Variants in ZBTB38 observed in about 807,000 individuals in gnomAD.
ZBTB38 encodes the protein zinc finger and BTB domain containing 38.
A neutral mutation model predicts 76.8 loss-of-function variants in ZBTB38; 20 were observed. That is an observed-to-expected ratio of 0.26 (90% confidence interval 0.18 to 0.38). The LOEUF is 0.38. ZBTB38 is among the 10% of genes least tolerant of loss of function. The probability of loss-of-function intolerance (pLI) is 1.00; values close to 1 mark genes in which losing one functional copy is unlikely to be tolerated. For synonymous variants in ZBTB38, 504 were observed against 544.2 expected (o/e 0.93, Z 1.03); for missense variants, 1,082 against 1,482.3 (o/e 0.73, Z 4.43).
At chr3:141,372,587 G>C (rs1297464000) in intron 2 of ZBTB38, among the ~76,000 whole-genome samples, 1 of 150,864 alleles carries the variant, frequency 6.6e-6, no homozygotes, top group East Asian at 2.0e-4. Flanking sequence ...GGGAGGCAGA[G>C]GTTGCAGTGA....
intron 1 of ZBTB38, among the ~76,000 whole-genome samples, chr3:141,327,280 A>T (rs1188170431): frequency 6.6e-6 from 1 of 152,192 alleles, no homozygotes; most frequent in African/African-American, 2.4e-5. Context: ...CAAAGAGTAC[A>T]GCATGGAAAG....
intron 5 of ZBTB38, chr3:141,432,046 G>A (rs1029489724): frequency 1.1e-5 from 11 of 973,610 alleles, no homozygotes; most frequent in East Asian, 1.1e-4. Flanking sequence ...GAGGTCTGAC[G>A]TAGTCACCCA....
chr3:141,425,676 A>T (rs569489921), intron 5 of ZBTB38, among the ~76,000 whole-genome samples: 74 of 152,382 alleles, frequency 4.9e-4, no homozygotes, highest in South Asian at 1.0e-3. Context: ...TGCCAGATGT[A>T]AACTGGTCAG....
intron 5 of ZBTB38, among the ~76,000 whole-genome samples, chr3:141,404,401 C>T (rs1953591868): frequency 6.6e-6 from 1 of 152,180 alleles, no homozygotes; most frequent in South Asian, 2.1e-4. Context: ...GGGGTCAAGG[C>T]AGGACTGGAC....
chr3:141,410,132 C>T (rs1374918333), intron 5 of ZBTB38, among the ~76,000 whole-genome samples: 1 of 152,160 alleles, frequency 6.6e-6, no homozygotes, highest in African/African-American at 2.4e-5. Context: ...CTGGGACAAG[C>T]AGGGGCAGGG....
At chr3:141,329,048 A>G (rs1343096806) in intron 1 of ZBTB38, among the ~76,000 whole-genome samples, 1 of 152,094 alleles carries the variant, frequency 6.6e-6, no homozygotes, top group Non-Finnish European at 1.5e-5. Flanking sequence ...CTTTCATCCA[A>G]TAATTGGCTA....
At chr3:141,370,675 T>C (rs941010229) in intron 2 of ZBTB38, among the ~76,000 whole-genome samples, 3 of 152,274 alleles carry the variant, frequency 2.0e-5, no homozygotes, top group African/African-American at 7.2e-5. Flanking sequence ...CCTCTGTCCA[T>C]TATGACCCTA....
intron 5 of ZBTB38, among the ~76,000 whole-genome samples, chr3:141,436,465 T>TAAA (rs2078809259): frequency 6.6e-6 from 1 of 152,158 alleles, no homozygotes; most frequent in Admixed American, 6.5e-5. Flanking sequence ...AACCCCAGTG[T>TAAA]TGCCTGGTCT....
intron 5 of ZBTB38, among the ~76,000 whole-genome samples, chr3:141,410,435 A>C (rs918399692): frequency 1.3e-5 from 2 of 152,202 alleles, no homozygotes; most frequent in Non-Finnish European, 2.9e-5. Context: ...AAGTCTTAGG[A>C]CTTGCTCAAG....
At chr3:141,425,166 C>A (rs1443979939) in intron 5 of ZBTB38, among the ~76,000 whole-genome samples, 1 of 152,174 alleles carries the variant, frequency 6.6e-6, no homozygotes, top group Non-Finnish European at 1.5e-5. Context: ...TGTGCCTTAT[C>A]CTAAAGTATC....
At chr3:141,354,362 C>T (rs1943602793) in intron 1 of ZBTB38, among the ~76,000 whole-genome samples, 1 of 152,132 alleles carries the variant, frequency 6.6e-6, no homozygotes, top group Non-Finnish European at 1.5e-5. Flanking sequence ...CCAGGCCACA[C>T]TCCATGCATT....
intron 2 of ZBTB38, among the ~76,000 whole-genome samples, chr3:141,371,277 T>C (rs1267618747): frequency 3.3e-5 from 5 of 152,006 alleles, no homozygotes; most frequent in African/African-American, 1.2e-4. Flanking sequence ...GGTCTCCATC[T>C]CTTGACCTCG....
At position 141,436,250 on chromosome 3, in the gene ZBTB38, C is replaced by T. The variant is rs149598971; in HGVS notation, c.1-6139C>T. Reference sequence around the variant, plus strand: ...GTCTAAATTTTCATCCTGGGGATATCCTTCAAGTAAGTATGTCTAAGATCT... The same window carrying T: ...GTCTAAATTTTCATCCTGGGGATATTCTTCAAGTAAGTATGTCTAAGATCT... On this transcript the variant is annotated intron_variant, in intron 5 of 5. Coordinates refer to ENST00000321464, the MANE Select transcript of ZBTB38 (RefSeq NM_001376113.1). Among the ~76,000 whole-genome samples the T allele has an allele frequency of 6.9e-4, 105 of 152,244 alleles. No individual in the cohort carries two copies. The South Asian group carries it at 7.5e-3, about 11-fold the overall frequency.
intron 4 of ZBTB38, among the ~76,000 whole-genome samples, chr3:141,401,536 A>C (rs1951939761): frequency 6.6e-6 from 1 of 152,182 alleles, no homozygotes; most frequent in Non-Finnish European, 1.5e-5. Flanking sequence ...TGGGATGCAG[A>C]ATTGCAAGTA....
At position 141,447,818 on chromosome 3, in the gene ZBTB38, T is replaced by C. The variant is rs2081210379; in HGVS notation, c.*1842T>C. The C allele has an allele frequency of 6.6e-6, 1 of 152,592 alleles. No individual in the cohort carries two copies. The highest frequency in any genetic ancestry group is 2.1e-4 in the South Asian group (1 of 4,836). The allele number at this position is 152,592 out of a possible 1,614,324, so 9.5% of individuals were successfully genotyped here. ...GATTAAAGTTGACCTTTTAATACTG[T>C]AGTACCTTGCTGTTAAGTAACCCCA... On this transcript the variant is annotated 3_prime_UTR_variant, in exon 6 of 6. Coordinates refer to ENST00000321464, the MANE Select transcript of ZBTB38 (RefSeq NM_001376113.1).
rs1291673656 is a variant in ZBTB38 at position 141,447,368 on chromosome 3, C to G, written c.*1392C>G. The G allele has an allele frequency of 6.6e-6, 1 of 152,590 alleles. No homozygotes were observed. The highest frequency in any genetic ancestry group is 2.4e-5 in the African/African-American group (1 of 41,436). The allele number at this position is 152,590 out of a possible 1,614,324, so 9.5% of individuals were successfully genotyped here. A position where few individuals can be genotyped will look rare whatever the true frequency, so the allele number is the denominator to read the frequency against. On this transcript the variant is annotated 3_prime_UTR_variant, in exon 6 of 6. Transcript: ENST00000321464. The stretch of plus-strand genomic sequence containing the variant: ...GCTCTGTCTTCATATTTGCAGACAT[C>G]TAGACCCCTTGCTAAAAACCCACTG...
chr3:141,405,088 G>T (rs540286302), intron 5 of ZBTB38, among the ~76,000 whole-genome samples: 3 of 152,048 alleles, frequency 2.0e-5, no homozygotes, highest in Non-Finnish European at 4.4e-5. Context: ...TGATAGTAAG[G>T]CCTTCTCTGA....
chr3:141,404,293 C>T (rs1185548752), intron 5 of ZBTB38, among the ~76,000 whole-genome samples: 1 of 152,204 alleles, frequency 6.6e-6, no homozygotes, highest in Non-Finnish European at 1.5e-5. Context: ...TTTTACATGT[C>T]TCTTCACAGA....
At chr3:141,337,306 C>A (rs1250686274) in intron 1 of ZBTB38, among the ~76,000 whole-genome samples, 2 of 152,158 alleles carry the variant, frequency 1.3e-5, no homozygotes, top group Admixed American at 1.3e-4. Flanking sequence ...ATCCTACAGC[C>A]GAGTAATATG....
Sources: allele counts gnomAD v4.1 joint callset (sites outside exome capture counted in the v4.1 genomes callset), GRCh38; gene constraint gnomAD v4.1.1; transcripts MANE v1.5; gene names NCBI Gene and HGNC (gene_info 2026-07-23, HGNC 2026-07-21).